HDAC9: variants seen among roughly 807,000 people sequenced by gnomAD.
The protein encoded by HDAC9 is MEF-2 interacting transcription repressor (MITR) protein.
In HDAC9, 41 loss-of-function variants were observed where a neutral mutation model predicts 139.4. The observed-to-expected ratio is 0.29, with a 90% CI of 0.23 to 0.38. The LOEUF is 0.38. HDAC9 is among the 10% of genes least tolerant of loss of function. The pLI is 1.00. For missense variants in HDAC9, 1,147 were observed against 1,297.0 expected (o/e 0.88, Z 1.78); for synonymous variants, 517 against 476.2 (o/e 1.09, Z -1.12).
At chr7:18,290,334 A>C, upstream of HDAC9, 1 of 378,308 alleles carries the variant, frequency 2.6e-6, no homozygotes, top group Non-Finnish European at 5.2e-6. Context: ...CTGATATTGC[A>C]TCTGTAGCAT....
chr7:18,949,293 A>T (rs75216741), intron 23 of HDAC9: 31,929 of 205,992 alleles, frequency 0.16, 2,644 homozygotes, highest in Middle Eastern at 0.23. Flanking sequence ...GCAAGTTTTT[A>T]CTTTTTTTCT....
Position 18,869,357 on chromosome 7 carries a change from C to T in HDAC9, c.2685-5121C>T, listed in dbSNP as rs909846096. ...AGCACCACTCACCTAGTGCTGTTCT[C>T]ATGATAGAGTTCTCATGAAATCTGG... On this transcript the variant is annotated intron_variant, in intron 21 of 25. Coordinates refer to ENST00000686413, the MANE Select transcript of HDAC9 (RefSeq NM_178425.4). Among the ~76,000 whole-genome samples the T allele has an allele frequency of 3.3e-5, 5 of 151,900 alleles. No individual in the cohort carries two copies. The East Asian group carries it at 9.7e-4, about 29-fold the overall frequency.
chr7:18,267,469 G>A (rs1368823796), intron 2 of HDAC9, among the ~76,000 whole-genome samples: 1 of 151,974 alleles, frequency 6.6e-6, no homozygotes, highest in Admixed American at 6.6e-5. Flanking sequence ...ACTGTTATTA[G>A]TACCTACCCT....
Position 18,654,969 on chromosome 7 carries a change from T to C in HDAC9, c.1467+6286T>C, listed in dbSNP as rs758738618. On this transcript the variant is annotated intron_variant, in intron 11 of 25. Coordinates refer to ENST00000686413, the MANE Select transcript of HDAC9 (RefSeq NM_178425.4). ...TACAGCCAGGCCACATTTCATTCCT[T>C]TCTCGCATGTTGTCACATTGCCGTT... Among the ~76,000 whole-genome samples, 12 of 152,178 alleles carry C rather than the reference T, an allele frequency of 7.9e-5. 1 individual carries two copies. The highest frequency in any genetic ancestry group is 3.9e-4 in the Admixed American group (6 of 15,264).
intron 22 of HDAC9, among the ~76,000 whole-genome samples, chr7:18,883,802 CAA>C (rs921603771): frequency 6.6e-6 from 1 of 150,900 alleles, no homozygotes; most frequent in African/African-American, 2.4e-5. Context: ...AAGGTTCCAG[CAA>C]AAAAAACCTG....
At chr7:18,099,412 G>A (rs765961159) in intron 1 of HDAC9, among the ~76,000 whole-genome samples, 3 of 151,980 alleles carry the variant, frequency 2.0e-5, no homozygotes, top group Non-Finnish European at 4.4e-5. Context: ...AGGTTGCAGT[G>A]AACTGAGATT....
At chr7:18,491,818 G>A (rs1052966904), upstream of HDAC9, among the ~76,000 whole-genome samples, 3 of 151,814 alleles carry the variant, frequency 2.0e-5, no homozygotes, top group Non-Finnish European at 4.4e-5. Flanking sequence ...CCGGCAGATC[G>A]GATGGTGCCT....
intron 21 of HDAC9, among the ~76,000 whole-genome samples, chr7:18,865,080 C>T (rs1318831942): frequency 4.6e-5 from 7 of 152,136 alleles, no homozygotes; most frequent in Non-Finnish European, 1.0e-4. Flanking sequence ...ACAAAATTTG[C>T]TTCCACCAGA....
intron 2 of HDAC9, among the ~76,000 whole-genome samples, chr7:18,527,489 G>A (rs761665195): frequency 6.6e-6 from 1 of 152,064 alleles, no homozygotes; most frequent in Non-Finnish European, 1.5e-5. Flanking sequence ...GATATGTTGT[G>A]GCTCAATGAG....
intron 19 of HDAC9, among the ~76,000 whole-genome samples, chr7:18,830,338 T>C (rs1049896309): frequency 1.4e-4 from 21 of 152,198 alleles, no homozygotes; most frequent in African/African-American, 5.1e-4. Flanking sequence ...ATAGGTTGTC[T>C]GACAAAGCAT....
chr7:18,768,226 T>G (rs1789992275), intron 16 of HDAC9, among the ~76,000 whole-genome samples: 1 of 152,170 alleles, frequency 6.6e-6, no homozygotes, highest in African/African-American at 2.4e-5. Flanking sequence ...AGAAGCTAAG[T>G]TATTTTCCTG....
At chr7:18,237,440 G>T (rs1793897235) in intron 2 of HDAC9, among the ~76,000 whole-genome samples, 2 of 152,028 alleles carry the variant, frequency 1.3e-5, no homozygotes, top group Non-Finnish European at 2.9e-5. Context: ...CTGGGGTATT[G>T]GTTATTTCGA....
chr7:18,232,664 G>A (rs1162311388), intron 2 of HDAC9, among the ~76,000 whole-genome samples: 2 of 151,986 alleles, frequency 1.3e-5, no homozygotes, highest in Non-Finnish European at 2.9e-5. Flanking sequence ...CTCATAATTG[G>A]TACTTACTCA....
At chr7:18,817,855 AATAATT>A (rs1794687378) in intron 17 of HDAC9, among the ~76,000 whole-genome samples, 1 of 152,204 alleles carries the variant, frequency 6.6e-6, no homozygotes, top group Non-Finnish European at 1.5e-5. Flanking sequence ...AAATATATTT[AATAATT>A]ATAATTATCA....
intron 17 of HDAC9, among the ~76,000 whole-genome samples, chr7:18,827,303 C>A (rs1366233932): frequency 1.3e-5 from 2 of 152,108 alleles, no homozygotes. Context: ...AAATAAGACA[C>A]TATCTTTTAC....
chr7:18,164,745 T>C (rs1484817751), intron 2 of HDAC9, among the ~76,000 whole-genome samples: 1 of 152,238 alleles, frequency 6.6e-6, no homozygotes, highest in Non-Finnish European at 1.5e-5. Flanking sequence ...TAAGTGCTGA[T>C]TTTTGTATAT....
chr7:18,388,479 T>C (rs1786153110), intron 1 of HDAC9, among the ~76,000 whole-genome samples: 1 of 152,218 alleles, frequency 6.6e-6, no homozygotes, highest in Non-Finnish European at 1.5e-5. Flanking sequence ...CAGTGCTTTT[T>C]TGAAATTTTA....
chr7:18,488,773 T>C (rs894264546), intron 1 of HDAC9, among the ~76,000 whole-genome samples: 8 of 152,038 alleles, frequency 5.3e-5, no homozygotes, highest in Non-Finnish European at 8.8e-5. Flanking sequence ...AAGAAAGATA[T>C]TTTAATACTT....
At chr7:18,577,516 A>C (rs532377551) in intron 2 of HDAC9, among the ~76,000 whole-genome samples, 16 of 152,232 alleles carry the variant, frequency 1.1e-4, no homozygotes, top group Admixed American at 9.8e-4. Flanking sequence ...TTTCAGTTGG[A>C]TGCCTGTCTC....
Sources: allele counts gnomAD v4.1 joint callset (sites outside exome capture counted in the v4.1 genomes callset), GRCh38; gene constraint gnomAD v4.1.1; transcripts MANE v1.5; gene names NCBI Gene and HGNC (gene_info 2026-07-23, HGNC 2026-07-21).